Variants in APBA2 observed in about 807,000 individuals in gnomAD.
APBA2 encodes the protein amyloid beta precursor protein binding family A member 2, also known as amyloid-beta A4 precursor protein-binding family A member 2.
In APBA2, 30 loss-of-function variants were observed where a neutral mutation model predicts 75.0. The ratio of observed to expected loss-of-function variants is 0.40; its 90% CI spans 0.30 to 0.54. The LOEUF is 0.54. Ranked by LOEUF, APBA2 falls within the 20% of genes least tolerant of loss-of-function variation. The pLI is 0.49. For synonymous variants in APBA2, 444 were observed against 409.6 expected (o/e 1.08, Z -1.01); for missense variants, 801 against 1,016.1 (o/e 0.79, Z 2.88).
intron 3 of APBA2, among the ~76,000 whole-genome samples, chr15:29,044,702 A>G: frequency 6.6e-6 from 1 of 152,136 alleles, no homozygotes; most frequent in East Asian, 1.9e-4. Flanking sequence ...GAGGGGAGAA[A>G]AGGCCTATAG....
chr15:29,040,668 G>A (rs1372367783), intron 3 of APBA2, among the ~76,000 whole-genome samples: 1 of 152,142 alleles, frequency 6.6e-6, no homozygotes. Context: ...TGGATTTATC[G>A]TCTGATGAAG....
At chr15:29,026,229 C>T (rs2040216430) in intron 3 of APBA2, among the ~76,000 whole-genome samples, 1 of 152,152 alleles carries the variant, frequency 6.6e-6, no homozygotes, top group Admixed American at 6.5e-5. Flanking sequence ...AGGAACGAAT[C>T]TCTGGGTTGG....
intron 1 of APBA2, among the ~76,000 whole-genome samples, chr15:28,894,583 G>A (rs1335085676): frequency 2.6e-5 from 4 of 152,186 alleles, no homozygotes; most frequent in Admixed American, 6.5e-5. Flanking sequence ...TGGGCACAGG[G>A]GGGACTATGT....
At chr15:29,068,112 C>T (rs971403545) in intron 4 of APBA2, among the ~76,000 whole-genome samples, 2 of 152,178 alleles carry the variant, frequency 1.3e-5, no homozygotes, top group Admixed American at 6.5e-5. Context: ...GTGCAGGGCT[C>T]GAGGCCAAGT....
chr15:28,959,880 G>A (rs2036372710), intron 2 of APBA2, among the ~76,000 whole-genome samples: 1 of 152,064 alleles, frequency 6.6e-6, no homozygotes, highest in Non-Finnish European at 1.5e-5. Context: ...GTGGGAGCTT[G>A]AGCCTGTAAT....
intron 2 of APBA2, among the ~76,000 whole-genome samples, chr15:28,954,339 G>T (rs76293333): frequency 1.3e-5 from 2 of 151,974 alleles, no homozygotes; most frequent in Non-Finnish European, 2.9e-5. Context: ...AGAGCTCTCC[G>T]TTCCCTGGCC....
chr15:29,053,940 G>A lies in APBA2; in HGVS notation c.56G>A (p.Arg19Lys). 1.2e-6 allele frequency: 2 copies of A among 1,614,090 alleles called. No individual in the cohort carries two copies. Among genetic ancestry groups the A allele is most frequent in the Non-Finnish European group, 1.7e-6 (2 of 1,180,006 alleles). ...AGCGGCATGTTGGACCATAGGGTGA[G>A]ACCAGGTCCTGTCCCTCACAGCCAG... is the stretch of plus-strand genomic sequence containing the variant. The part of the protein sequence containing the change: ...VGSGMLDHRV[R>K]PGPVPHSQEP... The change falls in exon 4 of 15, where the codon AGA (arginine) becomes AAA (lysine). Residue 19 changes from arginine to lysine, a missense_variant. Around this residue, in one of 2 missense-constraint regions of APBA2, gnomAD observed 434 missense variants for 471.6 expected, o/e 0.92. Coordinates refer to ENST00000683413, the MANE Select transcript of APBA2 (RefSeq NM_001353788.2).
At chr15:29,035,445 T>G (rs924244009) in intron 3 of APBA2, among the ~76,000 whole-genome samples, 6 of 152,098 alleles carry the variant, frequency 3.9e-5, no homozygotes, top group African/African-American at 1.4e-4. Flanking sequence ...CTCAGGCCAG[T>G]TAAGTGACAG....
intron 2 of APBA2, among the ~76,000 whole-genome samples, chr15:28,953,590 T>G (rs1405617114): frequency 6.6e-6 from 1 of 152,074 alleles, no homozygotes; most frequent in Non-Finnish European, 1.5e-5. Context: ...ACCCCATCAC[T>G]TAGAGATCAA....
At chr15:29,080,008 T>G (rs2152930894) in intron 6 of APBA2, among the ~76,000 whole-genome samples, 1 of 152,198 alleles carries the variant, frequency 6.6e-6, no homozygotes, top group South Asian at 2.1e-4. Context: ...TAAAGTCACT[T>G]GTGTGCAGTC....
chr15:29,018,815 T>C (rs537974104), intron 3 of APBA2, among the ~76,000 whole-genome samples: 58 of 152,260 alleles, frequency 3.8e-4, no homozygotes, highest in African/African-American at 1.3e-3. Context: ...TGAGCGATAC[T>C]CTGTACCTGA....
Position 29,106,830 on chromosome 15 carries a change from T to C in APBA2, c.1917+11T>C, listed in dbSNP as rs1472531014. 2 of 1,611,436 alleles carry C rather than the reference T, an allele frequency of 1.2e-6. No homozygotes were observed. Among genetic ancestry groups the C allele is most frequent in the African/African-American group, 2.7e-5 (2 of 74,910 alleles). ...CAAGGCATCATCAAGGTAGGCACCCTGGGATCCTCCGCCCAGGGGTCACCT... is the reference window on the plus strand; with the variant it reads ...CAAGGCATCATCAAGGTAGGCACCCCGGGATCCTCCGCCCAGGGGTCACCT... On this transcript the variant is annotated intron_variant, in intron 12 of 14. Transcript: ENST00000683413.
In APBA2 at chr15:29,105,417, C is replaced by T. The variant is rs780405365; in HGVS notation, c.1563C>T (p.Ser521=). ...LIAQSIGQAF[S]VAYQEFLRAN... ...CCCAGTCTATCGGCCAGGCCTTCAG[C>T]GTGGCCTACCAGGAGTTCCTGCGAG... Residue 521 remains serine, a synonymous_variant, in exon 11 of 15, where the codon AGC becomes AGT. Transcript: ENST00000683413. 25 of 1,612,792 alleles carry T rather than the reference C, an allele frequency of 1.6e-5. No individual in the cohort carries two copies. The Admixed American group carries it at 2.7e-4, about 17-fold the overall frequency.
intron 6 of APBA2, among the ~76,000 whole-genome samples, chr15:29,088,686 G>A (rs2043408030): frequency 6.6e-6 from 1 of 152,220 alleles, no homozygotes; most frequent in East Asian, 1.9e-4. Context: ...TCTGCTGCCT[G>A]CCCCTCTGCC....
chr15:28,919,824 A>G (rs935706390), intron 1 of APBA2, among the ~76,000 whole-genome samples: 1 of 152,070 alleles, frequency 6.6e-6, no homozygotes, highest in African/African-American at 2.4e-5. Context: ...CTCAGTCCGA[A>G]ACATCTGGAG....
chr15:29,009,011 G>C (rs2039269701), intron 3 of APBA2, among the ~76,000 whole-genome samples: 1 of 152,232 alleles, frequency 6.6e-6, no homozygotes, highest in African/African-American at 2.4e-5. Flanking sequence ...CCAGATGCTG[G>C]ACTATGGAAT....
chr15:28,968,588 C>T (rs1197252582), intron 2 of APBA2, among the ~76,000 whole-genome samples: 1 of 152,162 alleles, frequency 6.6e-6, no homozygotes, highest in Admixed American at 6.5e-5. Context: ...TATGTCTGTT[C>T]ACCCATCTTT....
intron 1 of APBA2, among the ~76,000 whole-genome samples, chr15:28,909,401 C>T (rs1162058065): frequency 2.6e-5 from 4 of 152,308 alleles, no homozygotes; most frequent in South Asian, 2.1e-4. Flanking sequence ...CTTCGCGTGA[C>T]GCCCTCAAGG....
Position 28,946,497 on chromosome 15 carries a change from T to C in APBA2, c.-95+24748T>C, listed in dbSNP as rs187803277. On this transcript the variant is annotated intron_variant, in intron 2 of 14. Transcript: ENST00000683413. ...AGGAAACAGATTCTTGCCTAGAGCC[T>C]CCGTAAAGAACCAGGCCAGTCGACA... 1.1e-4 allele frequency among the ~76,000 whole-genome samples: 17 copies of C among 152,294 alleles called. No homozygotes were observed. In the East Asian group the frequency reaches 3.1e-3, roughly 28 times the overall value.
Sources: allele counts gnomAD v4.1 joint callset (sites outside exome capture counted in the v4.1 genomes callset), GRCh38; gene constraint gnomAD v4.1.1; regional missense constraint gnomAD v4.1.1; transcripts MANE v1.5; gene names NCBI Gene and HGNC (gene_info 2026-07-23, HGNC 2026-07-21).